Variants in TNFAIP8 observed in about 807,000 individuals in gnomAD.
The protein encoded by TNFAIP8 is tumor necrosis factor alpha-induced protein 8.
A neutral mutation model predicts 13.3 loss-of-function variants in TNFAIP8; 7 were observed. The observed-to-expected ratio is 0.52, with a 90% CI of 0.30 to 0.99. The LOEUF is 0.99. Among genes scored for constraint, TNFAIP8 ranks in the 50% least tolerant of loss-of-function variants. The pLI is 0.07. For missense variants in TNFAIP8, 258 were observed against 236.9 expected (o/e 1.09, Z -0.58); for synonymous variants, 94 against 87.6 (o/e 1.07, Z -0.41).
At chr5:119,363,848 TA>T (rs1250823681) in intron 1 of TNFAIP8, among the ~76,000 whole-genome samples, 2 of 152,230 alleles carry the variant, frequency 1.3e-5, no homozygotes, top group Non-Finnish European at 2.9e-5. Context: ...AGGCATCCCA[TA>T]CTTTTGACCA....
chr5:119,385,503 T>G (rs2112850001), intron 1 of TNFAIP8, among the ~76,000 whole-genome samples: 1 of 152,306 alleles, frequency 6.6e-6, no homozygotes, highest in East Asian at 1.9e-4. Context: ...CTCATTCTGT[T>G]CGTGATAGGC....
chr5:119,299,712 G>T (rs972351179), intron 1 of TNFAIP8, among the ~76,000 whole-genome samples: 5 of 152,230 alleles, frequency 3.3e-5, no homozygotes, highest in African/African-American at 1.2e-4. Flanking sequence ...GCCCCCAGAG[G>T]TGGAGTCTAC....
At chr5:119,312,742 A>G (rs907651918) in intron 1 of TNFAIP8, among the ~76,000 whole-genome samples, 1 of 147,314 alleles carries the variant, frequency 6.8e-6, no homozygotes, top group African/African-American at 2.5e-5. Context: ...CCTGCAAAAA[A>G]TACAAAAAAA....
chr5:119,332,368 G>T (rs1489947668), intron 1 of TNFAIP8, among the ~76,000 whole-genome samples: 4 of 151,996 alleles, frequency 2.6e-5, no homozygotes, highest in Admixed American at 2.0e-4. Context: ...TTATTCAGGG[G>T]TGTTAAATAA....
intron 1 of TNFAIP8, among the ~76,000 whole-genome samples, chr5:119,329,110 C>T (rs1306878654): frequency 6.6e-6 from 1 of 152,218 alleles, no homozygotes; most frequent in Admixed American, 6.5e-5. Flanking sequence ...CTGCTCACAG[C>T]TAGTGGTGGG....
At chr5:119,357,644 G>C (rs1387915918) in intron 1 of TNFAIP8, among the ~76,000 whole-genome samples, 1 of 151,820 alleles carries the variant, frequency 6.6e-6, no homozygotes, top group African/African-American at 2.4e-5. Flanking sequence ...CTGGTTTTAA[G>C]TTTGGAAGCA....
chr5:119,281,197 A>T (rs1748614191), intron 1 of TNFAIP8, among the ~76,000 whole-genome samples: 1 of 151,918 alleles, frequency 6.6e-6, no homozygotes, highest in South Asian at 2.1e-4. Flanking sequence ...GTATTTCAAG[A>T]CTATAGTCCA....
At chr5:119,275,328 C>G (rs1317422015) in intron 1 of TNFAIP8, among the ~76,000 whole-genome samples, 2 of 152,154 alleles carry the variant, frequency 1.3e-5, no homozygotes, top group Admixed American at 1.3e-4. Context: ...AGTTGAAAAT[C>G]TAGACTTGAG....
intron 1 of TNFAIP8, among the ~76,000 whole-genome samples, chr5:119,271,565 A>C (rs1349574307): frequency 6.6e-6 from 1 of 152,224 alleles, no homozygotes; most frequent in Non-Finnish European, 1.5e-5. Context: ...CGGGAGAAGC[A>C]GTGATGATAA....
At chr5:119,278,352 G>GA (rs1748519942) in intron 1 of TNFAIP8, among the ~76,000 whole-genome samples, 4 of 123,136 alleles carry the variant, frequency 3.2e-5, no homozygotes, top group African/African-American at 1.0e-4. Context: ...ACAGGAAGGG[G>GA]GAGAGAGAGA....
chr5:119,287,271 A>G (rs1246246277), intron 1 of TNFAIP8, among the ~76,000 whole-genome samples: 2 of 140,056 alleles, frequency 1.4e-5, no homozygotes, highest in Non-Finnish European at 3.0e-5. Flanking sequence ...TCCAGGGGAC[A>G]GTAACCAAGT....
At chr5:119,301,254 C>T (rs897598835) in intron 1 of TNFAIP8, among the ~76,000 whole-genome samples, 1 of 152,180 alleles carries the variant, frequency 6.6e-6, no homozygotes, top group Non-Finnish European at 1.5e-5. Context: ...TCTATCCTCC[C>T]TTCTATTGTT....
At chr5:119,338,211 C>CACACACACACACA (rs70982473) in intron 1 of TNFAIP8, among the ~76,000 whole-genome samples, 4 of 146,486 alleles carry the variant, frequency 2.7e-5, no homozygotes, top group South Asian at 2.1e-4. Flanking sequence ...CACACACACA[C>CACACACACACACA]CTTCTCAGCA....
intron 1 of TNFAIP8, chr5:119,333,652 G>T: frequency 6.6e-7 from 1 of 1,508,240 alleles, no homozygotes; most frequent in African/African-American, 1.4e-5. Context: ...ACGGCCTTCA[G>T]AATATGTTTA....
intron 1 of TNFAIP8, among the ~76,000 whole-genome samples, chr5:119,356,609 T>G (rs903330042): frequency 6.6e-6 from 1 of 151,770 alleles, no homozygotes; most frequent in Non-Finnish European, 1.5e-5. Context: ...AATAGATTAA[T>G]TTTTTTTCAT....
intron 1 of TNFAIP8, among the ~76,000 whole-genome samples, chr5:119,289,241 A>G (rs1748910342): frequency 6.6e-6 from 1 of 152,188 alleles, no homozygotes; most frequent in Non-Finnish European, 1.5e-5. Flanking sequence ...TGTTCCCAAT[A>G]GTGTGTATCT....
At chr5:119,341,630 G>A (rs1750739758) in intron 1 of TNFAIP8, among the ~76,000 whole-genome samples, 1 of 152,074 alleles carries the variant, frequency 6.6e-6, no homozygotes, top group South Asian at 2.1e-4. Flanking sequence ...GCTAACTCTG[G>A]GATAAGAGTG....
At chr5:119,360,222 G>A (rs1444306528) in intron 1 of TNFAIP8, among the ~76,000 whole-genome samples, 1 of 151,664 alleles carries the variant, frequency 6.6e-6, no homozygotes, top group Non-Finnish European at 1.5e-5. Context: ...GCCAAAAAGT[G>A]GGTGGGTGAA....
intron 1 of TNFAIP8, among the ~76,000 whole-genome samples, chr5:119,319,200 G>A (rs764256486): frequency 2.0e-5 from 3 of 152,164 alleles, no homozygotes; most frequent in Non-Finnish European, 4.4e-5. Flanking sequence ...CTTGAACCCA[G>A]GAGTTCAAGG....
Sources: gnomAD v4.1 joint callset for allele counts (sites outside exome capture counted in the v4.1 genomes callset) on GRCh38, gnomAD v4.1.1 for gene constraint, MANE v1.5 for transcripts, NCBI Gene and HGNC (gene_info 2026-07-23, HGNC 2026-07-21) for gene names.